ZFHX3: variants seen among roughly 807,000 people sequenced by gnomAD.
ZFHX3 encodes the protein zinc finger homeobox 3, also known as zinc finger homeobox protein 3.
Under a neutral mutation model 279.1 loss-of-function variants are expected in ZFHX3, and 42 were observed. That is an observed-to-expected ratio of 0.15 (90% CI 0.12 to 0.19). The LOEUF (loss-of-function observed/expected upper bound fraction) is 0.19, where lower values mean the gene tolerates loss of function less well. ZFHX3 is among the 10% of genes least tolerant of loss of function. The pLI, the probability that ZFHX3 is intolerant of heterozygous loss-of-function variation, is 1.00. For synonymous variants in ZFHX3, 2,293 were observed against 1,957.8 expected (o/e 1.17, Z -4.52); for missense variants, 4,981 against 4,754.0 (o/e 1.05, Z -1.40).
At chr16:73,736,050 C>T (rs947034099) in intron 1 of ZFHX3, among the ~76,000 whole-genome samples, 2 of 152,134 alleles carry the variant, frequency 1.3e-5, no homozygotes, top group African/African-American at 4.8e-5. Flanking sequence ...TCTACTCCTT[C>T]AGCTTCTCAG....
chr16:73,036,147 C>T (rs919107330), intron 1 of ZFHX3, among the ~76,000 whole-genome samples: 1 of 152,196 alleles, frequency 6.6e-6, no homozygotes, highest in Non-Finnish European at 1.5e-5. Flanking sequence ...CTCTCTCTCT[C>T]TCTGTCTCTC....
intron 3 of ZFHX3, among the ~76,000 whole-genome samples, chr16:73,324,197 G>A (rs563179346): frequency 6.6e-6 from 1 of 152,296 alleles, no homozygotes; most frequent in South Asian, 2.1e-4. Flanking sequence ...TAGGAGGCTT[G>A]CTGAAATTCA....
chr16:72,907,591 GTGTGTGTGTGTGTGTTGTGTGTA>G (rs1452947834), intron 3 of ZFHX3, among the ~76,000 whole-genome samples: 32 of 146,194 alleles, frequency 2.2e-4, no homozygotes, highest in African/African-American at 8.1e-4. Context: ...GTGTGTGTGT[GTGTGTGTGTGTGTGTTGTGTGTA>G]TGCACACAGG....
At chr16:73,349,994 T>G (rs2016208698) in intron 3 of ZFHX3, among the ~76,000 whole-genome samples, 2 of 151,060 alleles carry the variant, frequency 1.3e-5, no homozygotes, top group African/African-American at 4.9e-5. Context: ...CTTTTGCCTT[T>G]CCAGTTCTTT....
chr16:73,065,745 T>A (rs575915610), intron 8 of ZFHX3, among the ~76,000 whole-genome samples: 3 of 152,004 alleles, frequency 2.0e-5, no homozygotes, highest in African/African-American at 7.3e-5. Context: ...AAAGGGACGG[T>A]TTAAAGAGAA....
In ZFHX3 at chr16:73,558,709, C is replaced by CTTTT. The variant is rs989644068; in HGVS notation, c.-1546-102455_-1546-102452dup. ...CGCACATACACAGAAGAAAATGACT[C>CTTTT]TTTTTTTTTTTTTTTTTTTTTTTGA... is the stretch of plus-strand genomic sequence containing the variant. On this transcript the variant is annotated intron_variant, in intron 2 of 17. Transcript: ENST00000641206. Among the ~76,000 whole-genome samples the CTTTT allele has an allele frequency of 1.3e-3, 117 of 90,490 alleles. 1 individual carries two copies. The highest frequency in any genetic ancestry group is 3.7e-3 in the East Asian group (13 of 3,482). The allele number at this position is 90,490 out of a possible 152,430, so 59.4% of individuals were successfully genotyped here.
rs1481415749 is a variant in ZFHX3 at position 72,788,539 on chromosome 16, G to T, written c.9737C>A (p.Ala3246Glu). The part of the protein sequence containing the change: ...DSEKVKEKEK[A>E]HKGKGEPLPV... ...CAGGGGTTCCCCTTTCCCTTTGTGTGCCTTTTCCTTCTCCTTTACTTTCTC... is the reference window on the plus strand; with the variant it reads ...CAGGGGTTCCCCTTTCCCTTTGTGTTCCTTTTCCTTCTCCTTTACTTTCTC... Residue 3246 changes from alanine to glutamate, a missense_variant, in exon 10 of 10, where the codon GCA becomes GAA. Physicochemically the swap from Ala to Glu is moderately radical, Grantham distance 107 (BLOSUM62 -1). Around this residue, in one of 7 missense-constraint regions of ZFHX3, gnomAD observed 1,034 missense variants for 786.0 expected, o/e 1.32. Coordinates refer to ENST00000268489, the MANE Select transcript of ZFHX3 (RefSeq NM_006885.4). 1 of 1,614,048 alleles carries T rather than the reference G, an allele frequency of 6.2e-7. No homozygotes were observed. Among genetic ancestry groups the T allele is most frequent in the African/African-American group, 1.3e-5 (1 of 74,914 alleles).
At chr16:73,847,850 G>A (rs1961487663) in intron 1 of ZFHX3, among the ~76,000 whole-genome samples, 1 of 149,938 alleles carries the variant, frequency 6.7e-6, no homozygotes, top group Non-Finnish European at 1.5e-5. Context: ...TGATTCTCCT[G>A]CCTCAGCCTC....
intron 3 of ZFHX3, among the ~76,000 whole-genome samples, chr16:73,425,102 T>C (rs898783552): frequency 1.3e-5 from 2 of 152,178 alleles, no homozygotes; most frequent in Admixed American, 6.5e-5. Context: ...GCACCTAATA[T>C]AGTGCTTTCC....
chr16:73,884,457 C>G (rs1429580392), intron 1 of ZFHX3, among the ~76,000 whole-genome samples: 3 of 152,110 alleles, frequency 2.0e-5, no homozygotes, highest in African/African-American at 7.2e-5. Flanking sequence ...GGAGGCCATG[C>G]CATATGACTT....
intron 3 of ZFHX3, among the ~76,000 whole-genome samples, chr16:72,898,746 C>CAAAA (rs34647860): frequency 1.7e-4 from 22 of 128,122 alleles, no homozygotes; most frequent in African/African-American, 5.1e-4. Flanking sequence ...AACCCTGTCT[C>CAAAA]AAAAAAAAAA....
At chr16:73,015,058 T>C (rs2144634168) in intron 1 of ZFHX3, 1 of 148,542 alleles carries the variant, frequency 6.7e-6, no homozygotes, top group Non-Finnish European at 1.5e-5. Context: ...TTTTTTTTTT[T>C]TTTTTTGAGA....
intron 1 of ZFHX3, among the ~76,000 whole-genome samples, 151 bp from the exon 2 acceptor site, chr16:72,960,345 C>T (rs560716239): frequency 6.6e-6 from 1 of 152,060 alleles, no homozygotes; most frequent in South Asian, 2.1e-4. Flanking sequence ...GGAGGGCGGG[C>T]CTGGGGACAC....
chr16:73,538,823 C>T (rs2019956877), intron 2 of ZFHX3, among the ~76,000 whole-genome samples: 1 of 152,210 alleles, frequency 6.6e-6, no homozygotes, highest in Non-Finnish European at 1.5e-5. Context: ...CAATGCAGCA[C>T]CATTTTCTGC....
At position 72,889,903 on chromosome 16, in the gene ZFHX3, C is replaced by G. The variant is rs2144075700; in HGVS notation, c.3276G>C (p.Leu1092=). 6.2e-7 allele frequency: 1 copy of G among 1,614,178 alleles called. No homozygotes were observed. The highest frequency in any genetic ancestry group is 8.5e-7 in the Non-Finnish European group (1 of 1,180,050). ...GCTTGGCCTTGGTGGAGTAGTTGCA[C>G]AGAACGCAGTGGTAGTAGCAGCTCT... is the stretch of plus-strand genomic sequence containing the variant. ...EGESCYYHCV[L]CNYSTKAKLN... is the part of the protein sequence containing the mutation. The change falls in exon 4 of 10, where the codon CTG becomes CTC. Residue 1092 remains leucine, a synonymous_variant. Transcript: ENST00000268489.
At chr16:72,999,875 A>G (rs1017809163) in intron 1 of ZFHX3, among the ~76,000 whole-genome samples, 7 of 152,190 alleles carry the variant, frequency 4.6e-5, no homozygotes, top group African/African-American at 1.7e-4. Context: ...GCAAGCTGAA[A>G]GCTTCTGCAG....
intron 1 of ZFHX3, among the ~76,000 whole-genome samples, chr16:72,978,922 C>A (rs1312128708): frequency 1.3e-5 from 2 of 152,202 alleles, no homozygotes; most frequent in East Asian, 3.9e-4. Flanking sequence ...AGACTCTGGT[C>A]CTCACCTAAC....
intron 2 of ZFHX3, among the ~76,000 whole-genome samples, chr16:73,481,806 T>C (rs141985924): frequency 1.3e-5 from 2 of 152,280 alleles, no homozygotes; most frequent in East Asian, 3.9e-4. Context: ...CTACCACATT[T>C]TAGATGTCAG....
At chr16:73,446,855 T>C (rs1395568124) in intron 3 of ZFHX3, among the ~76,000 whole-genome samples, 1 of 152,100 alleles carries the variant, frequency 6.6e-6, no homozygotes. Flanking sequence ...ACCTATATAA[T>C]AAACCTGCAC....
Sources: gnomAD v4.1 joint callset for allele counts (sites outside exome capture counted in the v4.1 genomes callset) on GRCh38, gnomAD v4.1.1 for gene constraint, gnomAD v4.1.1 regional missense constraint, MANE v1.5 for transcripts, NCBI Gene and HGNC (gene_info 2026-07-23, HGNC 2026-07-21) for gene names.